The following PVT1 variants were observed in gnomAD, a reference collection of about 807,000 sequenced individuals.
The protein encoded by PVT1 is CXCR4/PVT1 fusion.
Position 127,974,066 on chromosome 8 carries a change from G to A in PVT1, n.783-15096G>A, listed in dbSNP as rs549311798. Among the ~76,000 whole-genome samples the A allele has an allele frequency of 2.8e-3, 432 of 152,292 alleles. 3 individuals are homozygous for A. The highest frequency in any genetic ancestry group is 5.0e-3 in the Admixed American group (77 of 15,290). On this transcript the variant is annotated intron_variant and non_coding_transcript_variant, in intron 3 of 10. Coordinates refer to ENST00000651587, the Ensembl canonical transcript of PVT1. ...AGGGCTTTATATTTTCGAAGGGTGG[G>A]CACTTAAATTACACAGATTGGGTTT...
At chr8:128,035,917 G>A (rs574306377) in intron 4 of PVT1, among the ~76,000 whole-genome samples, 1 of 152,350 alleles carries the variant, frequency 6.6e-6, no homozygotes, top group South Asian at 2.1e-4. Flanking sequence ...CCCTGCTGAT[G>A]CCTTGCTTTT....
chr8:127,965,690 C>T (rs940205163), intron 3 of PVT1, among the ~76,000 whole-genome samples: 11 of 152,172 alleles, frequency 7.2e-5, no homozygotes, highest in East Asian at 1.9e-4. Flanking sequence ...CTCCCTGCAC[C>T]GCCTGCTGCC....
At chr8:127,845,761 G>A (rs1419255862) in intron 2 of PVT1, among the ~76,000 whole-genome samples, 1 of 152,204 alleles carries the variant, frequency 6.6e-6, no homozygotes, top group Non-Finnish European at 1.5e-5. Flanking sequence ...TAGTAGACCT[G>A]AGATAATTGC....
At chr8:128,084,141 C>A (rs1208815540) in intron 5 of PVT1, among the ~76,000 whole-genome samples, 1 of 152,116 alleles carries the variant, frequency 6.6e-6, no homozygotes, top group African/African-American at 2.4e-5. Context: ...AAATGTGAAC[C>A]AAAGCATGAG....
chr8:128,052,078 AAAG>A (rs1813705311), intron 4 of PVT1, among the ~76,000 whole-genome samples: 2 of 152,174 alleles, frequency 1.3e-5, no homozygotes, highest in Non-Finnish European at 2.9e-5. Flanking sequence ...TTTGGCCAAG[AAAG>A]CTGTTCACCA....
At chr8:127,812,232 C>CAGGAAGGAAGGA (rs1222087216) in intron 2 of PVT1, among the ~76,000 whole-genome samples, 11 of 129,986 alleles carry the variant, frequency 8.5e-5, no homozygotes, top group South Asian at 2.5e-4. Context: ...GGCAGGAAGG[C>CAGGAAGGAAGGA]AGGAAGGAAG....
chr8:127,922,685 AAC>A (rs1194364654), intron 3 of PVT1, among the ~76,000 whole-genome samples: 1 of 152,206 alleles, frequency 6.6e-6, no homozygotes, highest in African/African-American at 2.4e-5. Flanking sequence ...CTCTACTGCC[AAC>A]ACAGTGGTAG....
At chr8:128,053,864 C>T (rs1464477983) in intron 4 of PVT1, among the ~76,000 whole-genome samples, 2 of 152,264 alleles carry the variant, frequency 1.3e-5, no homozygotes, top group Non-Finnish European at 2.9e-5. Context: ...CAGCCTGTAT[C>T]TCCAAGTGCC....
chr8:127,900,120 C>T lies in PVT1; in HGVS notation n.782+9122C>T, dbSNP rs1563634103. On this transcript the variant is annotated intron_variant and non_coding_transcript_variant, in intron 3 of 10. Coordinates refer to ENST00000651587, the Ensembl canonical transcript of PVT1. ...GCAGTGGTGCAATCTCAGCTCACTG[C>T]AGCCTCTGCCTCCCAGGTTCAAGCG... 2.0e-5 allele frequency among the ~76,000 whole-genome samples: 3 copies of T among 152,266 alleles called. No individual in the cohort carries two copies. In the South Asian group the frequency reaches 6.2e-4, roughly 32 times the overall value.
intron 2 of PVT1, among the ~76,000 whole-genome samples, chr8:127,869,223 C>T (rs1199582786): frequency 6.6e-6 from 1 of 151,936 alleles, no homozygotes; most frequent in African/African-American, 2.4e-5. Flanking sequence ...CTCCACCTCC[C>T]AGGTTCCAGT....
chr8:127,876,683 G>A (rs1292759220), intron 2 of PVT1, among the ~76,000 whole-genome samples: 4 of 152,160 alleles, frequency 2.6e-5, no homozygotes, highest in Non-Finnish European at 4.4e-5. Context: ...AGCAGGCGGA[G>A]GAGGGAACCA....
intron 5 of PVT1, among the ~76,000 whole-genome samples, chr8:128,091,571 TCCA>T (rs1814353070): frequency 6.6e-6 from 1 of 152,168 alleles, no homozygotes; most frequent in Non-Finnish European, 1.5e-5. Context: ...CTCTCTGTTC[TCCA>T]GAAGTGCTGC....
chr8:127,871,589 T>C (rs1320116954), intron 2 of PVT1, among the ~76,000 whole-genome samples: 1 of 152,104 alleles, frequency 6.6e-6, no homozygotes, highest in African/African-American at 2.4e-5. Flanking sequence ...GTGTAGGGCA[T>C]GACGTCAACT....
intron 2 of PVT1, chr8:127,803,297 G>A (rs369345980): frequency 1.3e-5 from 2 of 151,636 alleles, no homozygotes; most frequent in Non-Finnish European, 2.9e-5. Flanking sequence ...GCCCGGCTAA[G>A]TTTTTGTATT....
intron 3 of PVT1, among the ~76,000 whole-genome samples, chr8:127,936,449 T>C (rs925076386): frequency 4.6e-5 from 7 of 152,162 alleles, no homozygotes; most frequent in African/African-American, 1.4e-4. Context: ...TGCTCTCATA[T>C]TGCTTTGATG....
rs140237395 is a variant in PVT1, at chr8:127,846,772, A to G, written n.373-43817A>G. 2.2e-3 allele frequency among the ~76,000 whole-genome samples: 331 copies of G among 151,734 alleles called. 4 individuals are homozygous for G. In the East Asian group the frequency reaches 0.026, roughly 12 times the overall value. On this transcript the variant is annotated intron_variant and non_coding_transcript_variant, in intron 2 of 10. Transcript: ENST00000651587. ...CTGCAACCTCTGCCTTCCGGATTCAAGCGATTCTCCTGCCTCACCCTCCCA... is the reference window on the plus strand; with the variant it reads ...CTGCAACCTCTGCCTTCCGGATTCAGGCGATTCTCCTGCCTCACCCTCCCA...
chr8:127,918,200 T>C (rs990092215), intron 3 of PVT1, among the ~76,000 whole-genome samples: 8 of 151,978 alleles, frequency 5.3e-5, no homozygotes, highest in African/African-American at 1.9e-4. Flanking sequence ...GAGGAAATGG[T>C]GGAATGACCC....
intron 2 of PVT1, among the ~76,000 whole-genome samples, chr8:127,820,040 G>C (rs781129971): frequency 2.0e-5 from 3 of 152,154 alleles, no homozygotes; most frequent in Non-Finnish European, 4.4e-5. Flanking sequence ...CTTTTGTAGA[G>C]ATGCTCCCGT....
In PVT1 at chr8:128,091,837, G is replaced by A. The variant is rs151067861; in HGVS notation, n.1115-4681G>A. On this transcript the variant is annotated intron_variant and non_coding_transcript_variant, in intron 5 of 10. Transcript: ENST00000651587. ...ATAAGCACCCCACAGGTGTCAGCTG[G>A]CATCATTAGCAGTCATAGGAAAACT... is the stretch of plus-strand genomic sequence containing the variant. Among the ~76,000 whole-genome samples, 26 of 152,318 alleles carry A rather than the reference G, an allele frequency of 1.7e-4. No individual in the cohort carries two copies. The East Asian group carries it at 4.8e-3, about 28-fold the overall frequency.
Sources: gnomAD v4.1 joint callset for allele counts (sites outside exome capture counted in the v4.1 genomes callset) on GRCh38, gnomAD v4.1.1 for gene constraint, MANE v1.5 for transcripts, NCBI Gene and HGNC (gene_info 2026-07-23, HGNC 2026-07-21) for gene names.